Variants in GSN observed in about 807,000 individuals in gnomAD.
The protein encoded by GSN is actin-depolymerizing factor.
A neutral mutation model predicts 85.7 loss-of-function variants in GSN; 56 were observed. The ratio of observed to expected loss-of-function variants is 0.65; its 90% CI spans 0.53 to 0.82. GSN has a LOEUF of 0.82. Among genes scored for constraint, GSN ranks in the 40% least tolerant of loss-of-function variants. The probability of loss-of-function intolerance (pLI) is 0.00; values close to 1 mark genes in which losing one functional copy is unlikely to be tolerated. For missense variants in GSN, 857 were observed against 979.8 expected (o/e 0.87, Z 1.67); for synonymous variants, 373 against 399.1 (o/e 0.93, Z 0.78).
chr9:121,243,407 T>C (rs2054641403), intron 5 of GSN, among the ~76,000 whole-genome samples: 1 of 152,218 alleles, frequency 6.6e-6, no homozygotes, highest in South Asian at 2.1e-4. Context: ...AAATCCCTTT[T>C]GCCATATAAG....
rs758551805 is a variant in GSN, at chr9:121,310,849, A to G, written c.513+4A>G. On this transcript the variant is annotated splice_donor_region_variant and intron_variant, in intron 5 of 17. Coordinates refer to ENST00000432226, the MANE Select transcript of GSN (RefSeq NM_198252.3). ...CTTCATCCTGGACCTGGGCAACGTG[A>G]GTCCTGCTTTCCTCTTTCCCAGGAG... 1.2e-5 allele frequency: 19 copies of G among 1,613,838 alleles called. No individual in the cohort carries two copies. Among genetic ancestry groups the G allele is most frequent in the Admixed American group, 1.7e-5 (1 of 60,016 alleles).
At chr9:121,295,719 C>T (rs1216116591) in intron 2 of GSN, among the ~76,000 whole-genome samples, 1 of 152,150 alleles carries the variant, frequency 6.6e-6, no homozygotes, top group Admixed American at 6.5e-5. Flanking sequence ...CCCAGGGGGA[C>T]ATGGGCTGTA....
At chr9:121,303,362 T>G (rs1399951745) in intron 4 of GSN, among the ~76,000 whole-genome samples, 1 of 152,064 alleles carries the variant, frequency 6.6e-6, no homozygotes, top group African/African-American at 2.4e-5. Flanking sequence ...GGGCCAGAGG[T>G]GAAAATCCAG....
intron 7 of GSN, among the ~76,000 whole-genome samples, chr9:121,314,609 C>G (rs2061516899): frequency 6.6e-6 from 1 of 152,048 alleles, no homozygotes; most frequent in South Asian, 2.1e-4. Flanking sequence ...CAAAGAAAAA[C>G]TACTACATTA....
chr9:121,307,339 A>G lies in GSN; in HGVS notation c.352-3345A>G, dbSNP rs532881328. Among the ~76,000 whole-genome samples the G allele has an allele frequency of 2.0e-5, 3 of 152,310 alleles. No homozygotes were observed. The East Asian group carries it at 5.8e-4, about 29-fold the overall frequency. On this transcript the variant is annotated intron_variant, in intron 4 of 17. Transcript: ENST00000432226. Reference sequence around the variant, plus strand: ...ACAAGTAAAATATTTAGAGGGGTAAAAATTTTTTCTTTCCCCCCATTTCCT... The same window carrying G: ...ACAAGTAAAATATTTAGAGGGGTAAGAATTTTTTCTTTCCCCCCATTTCCT...
intron 7 of GSN, among the ~76,000 whole-genome samples, chr9:121,314,889 T>A (rs1246605606): frequency 6.6e-6 from 1 of 152,186 alleles, no homozygotes. Flanking sequence ...TGAGATAGGG[T>A]CTTGCTCTGT....
intron 2 of GSN, among the ~76,000 whole-genome samples, chr9:121,297,468 C>T (rs1165597269): frequency 6.6e-6 from 1 of 152,176 alleles, no homozygotes; most frequent in African/African-American, 2.4e-5. Flanking sequence ...CCTCAGGCAG[C>T]CACGGCAATG....
chr9:121,217,548 G>T (rs951164204), intron 4 of GSN, among the ~76,000 whole-genome samples: 1 of 151,362 alleles, frequency 6.6e-6, no homozygotes, highest in Non-Finnish European at 1.5e-5. Flanking sequence ...CCTCCAATAG[G>T]CCCCTAATCT....
intron 11 of GSN, among the ~76,000 whole-genome samples, chr9:121,322,924 G>A (rs944004793): frequency 1.3e-5 from 2 of 149,848 alleles, no homozygotes; most frequent in East Asian, 2.0e-4. Flanking sequence ...TCTGCCCCCC[G>A]GGGCTCAAGC....
intron 5 of GSN, among the ~76,000 whole-genome samples, chr9:121,233,896 G>A (rs2054441258): frequency 6.6e-6 from 1 of 152,150 alleles, no homozygotes; most frequent in African/African-American, 2.4e-5. Flanking sequence ...AATTCAGTTT[G>A]CCTTCACTGA....
At chr9:121,282,132 G>C (rs1440488331) in intron 2 of GSN, 1 of 472,934 alleles carries the variant, frequency 2.1e-6, no homozygotes, top group East Asian at 5.2e-5. Flanking sequence ...TGGGGAGGTG[G>C]GGGGAGGAGT....
intron 8 of GSN, 95 bp downstream of exon 8, chr9:121,317,313 G>A: frequency 7.6e-7 from 1 of 1,312,052 alleles, no homozygotes; most frequent in African/African-American, 1.4e-5. Flanking sequence ...GGAGTGTGGA[G>A]TGTGCCTGGT....
At chr9:121,277,151 C>T (rs1342711404) in intron 1 of GSN, among the ~76,000 whole-genome samples, 1 of 152,016 alleles carries the variant, frequency 6.6e-6, no homozygotes, top group Non-Finnish European at 1.5e-5. Context: ...CTTGGTCTGT[C>T]AATTGGTCCT....
intron 4 of GSN, among the ~76,000 whole-genome samples, chr9:121,226,263 A>G (rs1263320304): frequency 6.6e-6 from 1 of 152,270 alleles, no homozygotes; most frequent in Non-Finnish European, 1.5e-5. Flanking sequence ...CAGCATTAGC[A>G]TGGGAGAGGC....
chr9:121,234,732 C>T (rs936785121), intron 5 of GSN, among the ~76,000 whole-genome samples: 2 of 152,290 alleles, frequency 1.3e-5, no homozygotes, highest in Middle Eastern at 3.4e-3. Context: ...ACCTGTAATC[C>T]GAGCACTTTG....
chr9:121,304,532 A>G (rs898500384), intron 4 of GSN, among the ~76,000 whole-genome samples: 1 of 152,248 alleles, frequency 6.6e-6, no homozygotes, highest in African/African-American at 2.4e-5. Context: ...TACCTTCTGT[A>G]ACTGCTGTGA....
intron 14 of GSN, among the ~76,000 whole-genome samples, chr9:121,327,851 A>G (rs2063416142): frequency 6.6e-6 from 1 of 152,180 alleles, no homozygotes; most frequent in African/African-American, 2.4e-5. Context: ...ACATGCCTGT[A>G]TAATCCCAGC....
chr9:121,298,425 C>T (rs992011740), intron 2 of GSN, among the ~76,000 whole-genome samples: 2 of 152,128 alleles, frequency 1.3e-5, no homozygotes, highest in East Asian at 1.9e-4. Context: ...GAACCATATC[C>T]CCCCTTAGGT....
At chr9:121,331,629 A>T (rs1025743198) in intron 17 of GSN, 181 bp downstream of exon 17, 3 of 583,174 alleles carry the variant, frequency 5.1e-6, no homozygotes, top group African/African-American at 3.7e-5. Flanking sequence ...AGTGAAGAAC[A>T]CATCAGTTCC....
Sources: allele counts gnomAD v4.1 joint callset (sites outside exome capture counted in the v4.1 genomes callset), GRCh38; gene constraint gnomAD v4.1.1; transcripts MANE v1.5; gene names NCBI Gene and HGNC (gene_info 2026-07-23, HGNC 2026-07-21).